The following PKD1 variants were observed in gnomAD, a reference collection of about 807,000 sequenced individuals.
PKD1 encodes the protein polycystin-1.
Under a neutral mutation model 361.7 loss-of-function variants are expected in PKD1, and 81 were observed. The observed-to-expected ratio is 0.22, with a 90% CI of 0.19 to 0.27. PKD1 has a LOEUF of 0.27. PKD1 is among the 10% of genes least tolerant of loss of function. The probability of loss-of-function intolerance (pLI) is 1.00; values close to 1 mark genes in which losing one functional copy is unlikely to be tolerated. For synonymous variants in PKD1, 3,615 were observed against 2,818.3 expected (o/e 1.28, Z -8.95); for missense variants, 6,399 against 6,118.3 (o/e 1.05, Z -1.53).
intron 1 of PKD1, among the ~76,000 whole-genome samples, chr16:2,123,004 G>A (rs1251445609): frequency 1.3e-5 from 2 of 152,224 alleles, no homozygotes; most frequent in African/African-American, 4.8e-5. Context: ...GGCTGCTGCT[G>A]GGAGCTGACA....
At position 2,109,486 on chromosome 16, in the gene PKD1, G is replaced by C; in HGVS notation, c.5681C>G (p.Ala1894Gly). The C allele has an allele frequency of 6.2e-7, 1 of 1,609,274 alleles. No individual in the cohort carries two copies. ...CCCGGGCGCCACCACCTTGCTGCTG[G>C]CCCACAGCACCAGGCCCACGATGGG... ...EEPIVGLVLW[A>G]SSKVVAPGQL... Residue 1894 changes from alanine (A) to glycine (G), a missense_variant, in exon 15 of 46, where the codon GCC becomes GGC. Coordinates refer to ENST00000262304, the MANE Select transcript of PKD1 (RefSeq NM_001009944.3).
At chr16:2,107,384 C>A in intron 16 of PKD1, 1 of 366,234 alleles carries the variant, frequency 2.7e-6, no homozygotes, top group South Asian at 2.3e-5. Context: ...TCAGACGACC[C>A]CTCTGGGAAG....
Position 2,100,704 on chromosome 16 carries a change from T to C in PKD1, c.9398-138A>G, listed in dbSNP as rs1365620188. 2 of 699,218 alleles carry C rather than the reference T, an allele frequency of 2.9e-6. No homozygotes were observed. The highest frequency in any genetic ancestry group is 5.0e-6 in the Non-Finnish European group (2 of 401,618). The allele number at this position is 699,218 out of a possible 1,614,324, so 43.3% of individuals were successfully genotyped here. A position where few individuals can be genotyped will look rare whatever the true frequency, so the allele number is the denominator to read the frequency against. ...GTCCCGGCTTTGCACGGCTCTGCCA[T>C]ACACAAGGAGCTGCGGTTACTGCAA... On this transcript the variant is annotated intron_variant, in intron 26 of 45. Transcript: ENST00000262304. This position sits in a 1 kb window ranked among gnomAD's most constrained non-coding sequence, Gnocchi z 4.4.
In PKD1 at chr16:2,110,139, C is replaced by T. The variant is rs2092461515; in HGVS notation, c.5028G>A (p.Leu1676=). ...GCGAGAAGCCTTTGCCGCTGCCGGC[C>T]AGGGCCGGGCCCCTGTCCCTCCAGG... is the stretch of plus-strand genomic sequence containing the variant. The part of the protein sequence containing the change: ...WTAWRDRGPA[L]AGSGKGFSLT... Residue 1676 remains leucine (L), a synonymous_variant, in exon 15 of 46, where the codon CTG becomes CTA. Coordinates refer to ENST00000262304, the MANE Select transcript of PKD1 (RefSeq NM_001009944.3). 1 of 1,609,724 alleles carries T rather than the reference C, an allele frequency of 6.2e-7. No homozygotes were observed. Among genetic ancestry groups the T allele is most frequent in the South Asian group, 1.1e-5 (1 of 90,876 alleles).
chr16:2,100,070 G>T lies in PKD1; in HGVS notation c.9714C>A (p.Ser3238Arg). ...GLVEKEVLAASDAALLRFRRL... is the reference protein window; with the variant it reads ...GLVEKEVLAARDAALLRFRRL... ...GCCGGAAGCGCAAAAGGGCTGCGTC[G>T]CCTAGAAGGCAGGGAGGGCCGCACT... The change falls in exon 29 of 46, where the codon AGC (serine) becomes AGA (arginine). Residue 3238 changes from serine to arginine, a missense_variant and splice_region_variant. Transcript: ENST00000262304. This position sits in a 1 kb window ranked among gnomAD's most constrained non-coding sequence, Gnocchi z 4.4. 6.2e-7 allele frequency: 1 copy of T among 1,601,204 alleles called. No individual in the cohort carries two copies. The highest frequency in any genetic ancestry group is 2.3e-5 in the East Asian group (1 of 44,382).
intron 12 of PKD1, 44 bp downstream of exon 12, chr16:2,113,117 C>G: frequency 1.4e-6 from 1 of 716,048 alleles, no homozygotes; most frequent in Non-Finnish European, 2.4e-6. Flanking sequence ...CGCCCCCGCC[C>G]TGCCCCGCCC....
At chr16:2,108,140 G>T (rs1014738272) in intron 15 of PKD1, 108 bp from the exon 16 acceptor site, 120 of 1,468,004 alleles carry the variant, frequency 8.2e-5, no homozygotes, top group Non-Finnish European at 1.1e-4. Flanking sequence ...TGCTGGGACG[G>T]GGCCCACCAG....
chr16:2,090,889 C>G lies in PKD1; in HGVS notation c.11998G>C (p.Val4000Leu). Reference sequence around the variant, plus strand: ...CCCACCGGCCCAGCCCTCACCTTGACCAAAAGCAGGAAGAGCAGCGAGGCC... The same window carrying G: ...CCCACCGGCCCAGCCCTCACCTTGAGCAAAAGCAGGAAGAGCAGCGAGGCC... Reference protein sequence around the residue: ...LAASLLFLLLVKAAQQLRFVR... With the variant: ...LAASLLFLLLLKAAQQLRFVR... Residue 4000 changes from valine to leucine, a missense_variant, in exon 43 of 46, where the codon GTC becomes CTC. By Grantham distance (32) the Val-to-Leu change is conservative. Transcript: ENST00000262304. 6.2e-7 allele frequency: 1 copy of G among 1,603,228 alleles called. No homozygotes were observed.
chr16:2,104,464 G>GA, intron 22 of PKD1, 34 bp downstream of exon 22: 1 of 1,480,460 alleles, frequency 6.8e-7, no homozygotes, highest in South Asian at 1.2e-5. Context: ...GCCGCACGGG[G>GA]CGGGCGGGTG....
chr16:2,129,718 G>A (rs75516813), intron 1 of PKD1, among the ~76,000 whole-genome samples: 7,522 of 151,302 alleles, frequency 0.05, 265 homozygotes, highest in Non-Finnish European at 0.067. Flanking sequence ...CCCGGCCAAT[G>A]TTCTTTTATT....
chr16:2,091,473 A>C lies in PKD1; in HGVS notation c.11662T>G (p.Phe3888Val). ...CCCGCGCTGAGGCGGCGCAGCGCAA[A>C]GGGGCGGACGCTGAGGGCGGCCAGG... ...RALAALSVRP[F>V]ALRRLSAGLS... is the part of the protein sequence containing the mutation. The change falls in exon 42 of 46, where the codon TTT becomes GTT. Residue 3888 changes from phenylalanine to valine, a missense_variant. Physicochemically the swap from Phe to Val is conservative, Grantham distance 50. Transcript: ENST00000262304. 7.5e-7 allele frequency: 1 copy of C among 1,333,594 alleles called. No homozygotes were observed. Among genetic ancestry groups the C allele is most frequent in the Non-Finnish European group, 9.6e-7 (1 of 1,047,076 alleles). 82.6% of individuals were successfully genotyped at this position (1,333,594 alleles called of 1,614,324 possible).
rs762784886 is a variant in PKD1, at chr16:2,106,008, G to A, written c.7720C>T (p.Leu2574Phe). Residue 2574 changes from leucine to phenylalanine, a missense_variant, in exon 20 of 46, where the codon CTC (leucine) becomes TTC (phenylalanine). Coordinates refer to ENST00000262304, the MANE Select transcript of PKD1 (RefSeq NM_001009944.3). This position sits in a 1 kb window ranked among gnomAD's most constrained non-coding sequence, Gnocchi z 6.5. ...VALNRSLAIT[L>F]PEPNGSATGL... ...GTTGCGCTGCCGTTGGGCTCTGGGA[G>A]GGTGATGGCCAAAGACCTACGAGCA... 2.5e-6 allele frequency: 4 copies of A among 1,605,642 alleles called. No individual in the cohort carries two copies. The highest frequency in any genetic ancestry group is 1.3e-5 in the African/African-American group (1 of 74,730).
chr16:2,091,351 CGGGGCGGGGCCCCGCGAG>C, intron 42 of PKD1, 54 bp downstream of exon 42: 3 of 694,108 alleles, frequency 4.3e-6, no homozygotes, highest in Admixed American at 8.3e-5. Flanking sequence ...GAGACGCTGC[CGGGGCGGGGCCCCGCGAG>C]GGGGCGGGAC....
intron 1 of PKD1, among the ~76,000 whole-genome samples, chr16:2,124,433 G>A (rs1416455740): frequency 1.3e-5 from 2 of 152,258 alleles, no homozygotes; most frequent in East Asian, 1.9e-4. Flanking sequence ...AGGCTGGCAG[G>A]GCCGGGAAGT....
Position 2,102,808 on chromosome 16 carries a change from G to C in PKD1, c.8948+6C>G, listed in dbSNP as rs1415972093. 1.2e-6 allele frequency: 2 copies of C among 1,609,960 alleles called. No homozygotes were observed. The highest frequency in any genetic ancestry group is 2.2e-5 in the East Asian group (1 of 44,880). ...CTGCCCTGCCAGGCTGGCCCGCAGA[G>C]CTCACCCCGGGGAAATGAAGAAGGT... On this transcript the variant is annotated splice_donor_region_variant and intron_variant, in intron 24 of 45. Coordinates refer to ENST00000262304, the MANE Select transcript of PKD1 (RefSeq NM_001009944.3).
At position 2,112,877 on chromosome 16, in the gene PKD1, G is replaced by A. The variant is rs774135682; in HGVS notation, c.3072C>T (p.Val1024=). ...ERMNRMQGLQ[V]STVPAVLSPN... ...GGGACAGCACGGCCGGCACTGTGGA[G>A]ACCTGCAGACCCTGCATCCTGTTCA... Residue 1024 remains valine (V), a synonymous_variant, in exon 13 of 46, where the codon GTC becomes GTT. Transcript: ENST00000262304. The A allele has an allele frequency of 3.1e-6, 5 of 1,606,976 alleles. No individual in the cohort carries two copies. The highest frequency in any genetic ancestry group is 3.3e-5 in the Admixed American group (2 of 60,020).
Position 2,088,881 on chromosome 16 carries a change from G to GCACACACACACA in PKD1, c.*834_*845dup, listed in dbSNP as rs56279647. On this transcript the variant is annotated 3_prime_UTR_variant, in exon 46 of 46. Coordinates refer to ENST00000262304, the MANE Select transcript of PKD1 (RefSeq NM_001009944.3). Reference sequence around the variant, plus strand: ...ACAGCACACTCGCGCGTGCGCGCGCGCACACACACACACACACAGTCACCT... The same window carrying GCACACACACACA: ...ACAGCACACTCGCGCGTGCGCGCGCGCACACACACACACACACACACACACACACAGTCACCT... The GCACACACACACA allele has an allele frequency of 1.9e-5, 8 of 421,378 alleles. No individual in the cohort carries two copies. The highest frequency in any genetic ancestry group is 4.2e-5 in the East Asian group (1 of 23,842). The allele number at this position is 421,378 out of a possible 1,614,324, so 26.1% of individuals were successfully genotyped here.
At chr16:2,101,730 A>C (rs775628068) in intron 26 of PKD1, among the ~76,000 whole-genome samples, 5 of 152,280 alleles carry the variant, frequency 3.3e-5, no homozygotes, top group Non-Finnish European at 7.3e-5. Flanking sequence ...CCTCCGTCTG[A>C]GAGACGAGCT....
rs1461438107 is a variant in PKD1 at position 2,134,105 on chromosome 16, A to G, written c.215+1370T>C. On this transcript the variant is annotated intron_variant, in intron 1 of 45. Transcript: ENST00000262304. Reference sequence around the variant, plus strand: ...CAGCATCACAAACAACGGGTGGGGTAGGTCTGATGCAATTCTGTGGGTGCT... The same window carrying G: ...CAGCATCACAAACAACGGGTGGGGTGGGTCTGATGCAATTCTGTGGGTGCT... Among the ~76,000 whole-genome samples, 9 of 137,262 alleles carry G rather than the reference A, an allele frequency of 6.6e-5. No individual in the cohort carries two copies. The South Asian group carries it at 1.3e-3, about 20-fold the overall frequency. 90.0% of individuals were successfully genotyped at this position (137,262 alleles called of 152,430 possible).
Sources: allele counts gnomAD v4.1 joint callset (sites outside exome capture counted in the v4.1 genomes callset), GRCh38; gene constraint gnomAD v4.1.1; non-coding constraint Gnocchi (gnomAD v3.1); transcripts MANE v1.5; gene names NCBI Gene and HGNC (gene_info 2026-07-23, HGNC 2026-07-21).